ST6GAL2: variants seen among roughly 807,000 people sequenced by gnomAD.
ST6GAL2 encodes the protein ST6 beta-galactoside alpha-2,6-sialyltransferase 2.
In ST6GAL2, 24 loss-of-function variants were observed where a neutral mutation model predicts 37.5. The ratio of observed to expected loss-of-function variants is 0.64; its 90% CI spans 0.46 to 0.90. The LOEUF (loss-of-function observed/expected upper bound fraction) is 0.90, where lower values mean the gene tolerates loss of function less well. ST6GAL2 is among the 40% of genes least tolerant of loss of function. ST6GAL2 has a pLI of 0.00. For missense variants in ST6GAL2, 715 were observed against 712.7 expected (o/e 1.00, Z -0.04); for synonymous variants, 306 against 295.1 (o/e 1.04, Z -0.38).
At chr2:106,810,432 T>C (rs1418452783) in intron 5 of ST6GAL2, among the ~76,000 whole-genome samples, 1 of 152,240 alleles carries the variant, frequency 6.6e-6, no homozygotes, top group Non-Finnish European at 1.5e-5. Context: ...CAGTTCTTCC[T>C]GATCTTTGCC....
At chr2:106,846,845 C>T (rs1677165756) in intron 1 of ST6GAL2, among the ~76,000 whole-genome samples, 1 of 152,186 alleles carries the variant, frequency 6.6e-6, no homozygotes, top group African/African-American at 2.4e-5. Context: ...AGCACTTGTT[C>T]TGGATTATTT....
chr2:106,834,204 G>A, intron 2 of ST6GAL2, 58 bp from the exon 3 acceptor site: 2 of 1,290,436 alleles, frequency 1.5e-6, no homozygotes, highest in Admixed American at 1.8e-5. Context: ...CATAATCTAG[G>A]AAAAAATGTT....
chr2:106,819,852 C>T (rs555993220), intron 5 of ST6GAL2, among the ~76,000 whole-genome samples: 16 of 151,030 alleles, frequency 1.1e-4, no homozygotes, highest in East Asian at 9.8e-4. Context: ...AGTGGGAGGA[C>T]GACACAAATG....
At chr2:106,841,478 T>C (rs560452866) in intron 2 of ST6GAL2, among the ~76,000 whole-genome samples, 6 of 152,332 alleles carry the variant, frequency 3.9e-5, no homozygotes, top group Admixed American at 2.0e-4. Flanking sequence ...GTTTTACTGC[T>C]CCTCGTACAG....
chr2:106,843,754 T>G lies in ST6GAL2; in HGVS notation c.224A>C (p.Asp75Ala). 6.2e-7 allele frequency: 1 copy of G among 1,610,598 alleles called. No individual in the cohort carries two copies. The highest frequency in any genetic ancestry group is 8.5e-7 in the Non-Finnish European group (1 of 1,178,392). ...AHEPSPPGGL[D>A]ARQALPRAHP... ...GGCGCGGGGCAGCGCCTGGCGTGCG[T>G]CCAGGCCCCCAGGCGGGGAGGGCTC... Residue 75 changes from aspartate to alanine, a missense_variant, in exon 2 of 6, where the codon GAC (aspartate) becomes GCC (alanine). Physicochemically the swap from Asp to Ala is moderately radical, Grantham distance 126 (BLOSUM62 -2). This residue lies in a region of ST6GAL2 where 512 missense variants were observed against 488.8 expected (regional missense o/e 1.05). Coordinates refer to ENST00000409382, the MANE Select transcript of ST6GAL2 (RefSeq NM_001142351.2).
chr2:106,859,925 C>A (rs1677731419), intron 1 of ST6GAL2, among the ~76,000 whole-genome samples: 1 of 152,060 alleles, frequency 6.6e-6, no homozygotes, highest in Non-Finnish European at 1.5e-5. Flanking sequence ...AGGCTGTGTT[C>A]CTGCTTGTCT....
Position 106,844,052 on chromosome 2 carries a change from G to T in ST6GAL2, c.-57-18C>A. The stretch of plus-strand genomic sequence containing the variant: ...GAATGAACCTGAAAAACAGCCAGAT[G>T]GCAGTTAGCCAACATGGGGCATCTG... On this transcript the variant is annotated intron_variant, in intron 1 of 5. Transcript: ENST00000409382. The T allele has an allele frequency of 7.9e-7, 1 of 1,273,278 alleles. No homozygotes were observed. The highest frequency in any genetic ancestry group is 1.1e-6 in the Non-Finnish European group (1 of 923,544). The allele number at this position is 1,273,278 out of a possible 1,614,324, so 78.9% of individuals were successfully genotyped here.
chr2:106,811,395 C>A (rs1357382934), intron 5 of ST6GAL2, among the ~76,000 whole-genome samples: 1 of 152,090 alleles, frequency 6.6e-6, no homozygotes, highest in Non-Finnish European at 1.5e-5. Flanking sequence ...ATACTGCAGG[C>A]AGACAGGACG....
chr2:106,838,693 A>G (rs976876331), intron 2 of ST6GAL2, among the ~76,000 whole-genome samples: 2 of 152,184 alleles, frequency 1.3e-5, no homozygotes, highest in African/African-American at 2.4e-5. Context: ...AAATGGGAAC[A>G]AAGTTATCTA....
chr2:106,836,909 A>T (rs1314665945), intron 2 of ST6GAL2, among the ~76,000 whole-genome samples: 1 of 141,596 alleles, frequency 7.1e-6, no homozygotes, highest in Admixed American at 7.6e-5. Flanking sequence ...GCACCATTAC[A>T]CTACAACCTG....
At chr2:106,827,985 A>T (rs1676270396) in intron 5 of ST6GAL2, among the ~76,000 whole-genome samples, 1 of 152,160 alleles carries the variant, frequency 6.6e-6, no homozygotes, top group East Asian at 1.9e-4. Flanking sequence ...CTTGCATCAA[A>T]CTGCAGCCCC....
At chr2:106,827,511 C>T (rs981320251) in intron 5 of ST6GAL2, among the ~76,000 whole-genome samples, 1 of 152,206 alleles carries the variant, frequency 6.6e-6, no homozygotes, top group African/African-American at 2.4e-5. Flanking sequence ...CAGACCACAT[C>T]TTCTGTTGCC....
Position 106,843,617 on chromosome 2 carries a change from G to T in ST6GAL2, c.361C>A (p.Gln121Lys), listed in dbSNP as rs1677016034. 8 of 1,613,982 alleles carry T rather than the reference G, an allele frequency of 5.0e-6. No homozygotes were observed. The highest frequency in any genetic ancestry group is 6.8e-6 in the Non-Finnish European group (8 of 1,180,036). The change falls in exon 2 of 6, where the codon CAA becomes AAA. Residue 121 changes from glutamine (Q) to lysine (K), a missense_variant. By Grantham distance (53) the Gln-to-Lys change is moderately conservative. Coordinates refer to ENST00000409382, the MANE Select transcript of ST6GAL2 (RefSeq NM_001142351.2). ...TCATCCTCCGGGTAGAAAGCACTTT[G>T]AGATTTTCTCCCCACCTGGGATGAA... is the stretch of plus-strand genomic sequence containing the variant. ...FFSSQVGRKSQSAFYPEDDDY... is the reference protein window; with the variant it reads ...FFSSQVGRKSKSAFYPEDDDY...
chr2:106,833,969 T>C (rs1011395628), intron 3 of ST6GAL2, 80 bp downstream of exon 3: 3 of 1,019,140 alleles, frequency 2.9e-6, no homozygotes, highest in Middle Eastern at 2.1e-4. Flanking sequence ...TCTTCACTCA[T>C]CCGGTTAAAC....
intron 1 of ST6GAL2, among the ~76,000 whole-genome samples, chr2:106,864,916 C>T (rs964852827): frequency 3.9e-5 from 6 of 152,066 alleles, no homozygotes; most frequent in Admixed American, 3.3e-4. Flanking sequence ...AAATGTTTTA[C>T]AATAATCTCT....
chr2:106,815,804 T>A (rs536578597), intron 5 of ST6GAL2, among the ~76,000 whole-genome samples: 1 of 152,304 alleles, frequency 6.6e-6, no homozygotes, highest in South Asian at 2.1e-4. Flanking sequence ...TCTAAGGTCT[T>A]AGCCACAGTG....
intron 1 of ST6GAL2, among the ~76,000 whole-genome samples, chr2:106,871,273 G>C (rs1678256479): frequency 6.6e-6 from 1 of 152,318 alleles, no homozygotes; most frequent in Middle Eastern, 3.4e-3. Flanking sequence ...GAACTTCCAT[G>C]ACTAGAAGTT....
intron 5 of ST6GAL2, among the ~76,000 whole-genome samples, chr2:106,820,126 T>C (rs184234776): frequency 5.7e-4 from 87 of 152,174 alleles, no homozygotes; most frequent in Non-Finnish European, 1.1e-3. Flanking sequence ...TTATCAATAG[T>C]AACACTGAAT....
chr2:106,829,140 G>C (rs1489455703), intron 5 of ST6GAL2, among the ~76,000 whole-genome samples: 1 of 152,182 alleles, frequency 6.6e-6, no homozygotes, highest in East Asian at 1.9e-4. Flanking sequence ...TATGTGAACA[G>C]GCATGGGTGG....
Sources: allele counts gnomAD v4.1 joint callset (sites outside exome capture counted in the v4.1 genomes callset), GRCh38; gene constraint gnomAD v4.1.1; regional missense constraint gnomAD v4.1.1; transcripts MANE v1.5; gene names NCBI Gene and HGNC (gene_info 2026-07-23, HGNC 2026-07-21).